PRKCH: variants seen among roughly 807,000 people sequenced by gnomAD.
The protein encoded by PRKCH is protein kinase C eta, also known as protein kinase C eta type.
A neutral mutation model predicts 82.5 loss-of-function variants in PRKCH; 28 were observed. The ratio of observed to expected loss-of-function variants is 0.34; its 90% CI spans 0.25 to 0.47. The LOEUF (loss-of-function observed/expected upper bound fraction) is 0.47. Among genes scored for constraint, PRKCH ranks in the 20% least tolerant of loss-of-function variants. The probability of loss-of-function intolerance (pLI) is 1.00; values close to 1 mark genes in which losing one functional copy is unlikely to be tolerated. For synonymous variants in PRKCH, 322 were observed against 327.4 expected (o/e 0.98, Z 0.18); for missense variants, 705 against 881.8 (o/e 0.80, Z 2.54).
intron 4 of PRKCH, among the ~76,000 whole-genome samples, chr14:61,447,175 G>A (rs184174601): frequency 3.4e-4 from 51 of 151,950 alleles, no homozygotes; most frequent in African/African-American, 1.2e-3. Context: ...CAACAATAAA[G>A]GGGTCAGTTT....
chr14:61,402,522 C>T lies in PRKCH; in HGVS notation c.427+11234C>T, dbSNP rs181435439. On this transcript the variant is annotated intron_variant, in intron 2 of 13. Coordinates refer to ENST00000332981, the MANE Select transcript of PRKCH (RefSeq NM_006255.5). ...ATGAGAATCTAGCTGTCAGGCTGGG[C>T]GCAGTGGCTCACGCCTGTAATCCCA... Among the ~76,000 whole-genome samples the T allele has an allele frequency of 1.2e-3, 182 of 152,272 alleles. 3 individuals carry two copies. The highest frequency in any genetic ancestry group is 4.3e-3 in the African/African-American group (178 of 41,556).
At chr14:61,240,851 A>G (rs2044830981) in intron 1 of PRKCH, among the ~76,000 whole-genome samples, 2 of 152,152 alleles carry the variant, frequency 1.3e-5, no homozygotes, top group Admixed American at 1.3e-4. Context: ...TTGAGGAAAA[A>G]CAAACTCAGT....
At chr14:61,482,138 G>C (rs1886005054) in intron 9 of PRKCH, among the ~76,000 whole-genome samples, 1 of 151,880 alleles carries the variant, frequency 6.6e-6, no homozygotes, top group African/African-American at 2.4e-5. Flanking sequence ...GGAATTAGAG[G>C]TGCATGCCAC....
chr14:61,388,160 A>G (rs2140196217), intron 1 of PRKCH, among the ~76,000 whole-genome samples: 1 of 152,048 alleles, frequency 6.6e-6, no homozygotes, highest in South Asian at 2.1e-4. Flanking sequence ...AAAAAAAAAA[A>G]AAAAAAAAGA....
At chr14:61,352,965 G>A (rs1348533861) in intron 1 of PRKCH, among the ~76,000 whole-genome samples, 1 of 152,158 alleles carries the variant, frequency 6.6e-6, no homozygotes, top group Non-Finnish European at 1.5e-5. Flanking sequence ...AGTGGGGGCT[G>A]GGGTGGCATC....
intron 1 of PRKCH, among the ~76,000 whole-genome samples, chr14:61,224,816 T>G (rs1370985159): frequency 2.6e-5 from 4 of 152,186 alleles, no homozygotes; most frequent in Non-Finnish European, 4.4e-5. Flanking sequence ...TGGAAGCAAG[T>G]TTCTGACAGC....
upstream of PRKCH, among the ~76,000 whole-genome samples, chr14:61,318,221 T>C (rs2045579716): frequency 6.6e-6 from 1 of 152,046 alleles, no homozygotes; most frequent in African/African-American, 2.4e-5. Flanking sequence ...TACAGGAACC[T>C]GCCACCACGC....
chr14:61,469,764 G>T (rs545950425), intron 9 of PRKCH, among the ~76,000 whole-genome samples: 1 of 152,292 alleles, frequency 6.6e-6, no homozygotes, highest in East Asian at 1.9e-4. Flanking sequence ...AGCAGAAACA[G>T]CCATGTCAAC....
chr14:61,237,382 G>T (rs2044799172), intron 1 of PRKCH, among the ~76,000 whole-genome samples: 1 of 151,972 alleles, frequency 6.6e-6, no homozygotes, highest in South Asian at 2.1e-4. Context: ...ACCTTACAAA[G>T]CTGTCTCTTG....
chr14:61,313,830 C>T (rs1379597425), intron 1 of PRKCH, among the ~76,000 whole-genome samples: 2 of 152,120 alleles, frequency 1.3e-5, no homozygotes, highest in African/African-American at 4.8e-5. Flanking sequence ...AAGACCTGTT[C>T]CCATGATTCA....
chr14:61,530,815 T>C (rs2043036311), intron 12 of PRKCH, among the ~76,000 whole-genome samples: 1 of 152,198 alleles, frequency 6.6e-6, no homozygotes, highest in Non-Finnish European at 1.5e-5. Context: ...TGGGGTCAAT[T>C]TCAATAGCCC....
chr14:61,544,374 G>A (rs1265567627), intron 12 of PRKCH: 1 of 152,136 alleles, frequency 6.6e-6, no homozygotes, highest in Admixed American at 6.5e-5. Context: ...ACATTTCCTA[G>A]CGTTTAAATA....
intron 1 of PRKCH, among the ~76,000 whole-genome samples, chr14:61,328,718 T>C (rs2045738146): frequency 6.6e-6 from 1 of 152,092 alleles, no homozygotes; most frequent in Admixed American, 6.5e-5. Flanking sequence ...CCGCGTGCTA[T>C]GGCTTGCGTC....
rs56406998 is a variant in PRKCH at position 61,352,689 on chromosome 14, GGAAAGAAAGAAAGAAAGAAA to G, written c.363+30260_363+30279del. On this transcript the variant is annotated intron_variant, in intron 1 of 13. Transcript: ENST00000332981. ...GAGAGAGAGAGAGAGAGAAAGGAAAGGAAAGAAAGAAAGAAAGAAAGAAAGAAAGAAAGAAAGAAAGAAAG... is the reference window on the plus strand; with the variant it reads ...GAGAGAGAGAGAGAGAGAAAGGAAAGGAAAGAAAGAAAGAAAGAAAGAAAG... Among the ~76,000 whole-genome samples, 112 of 126,544 alleles carry G rather than the reference GGAAAGAAAGAAAGAAAGAAA, an allele frequency of 8.9e-4. No homozygotes were observed. In the East Asian group the frequency reaches 1.0e-2, roughly 11 times the overall value. The allele number at this position is 126,544 out of a possible 152,430, so 83.0% of individuals were successfully genotyped here. A position where few individuals can be genotyped will look rare whatever the true frequency, so the allele number is the denominator to read the frequency against.
At chr14:61,215,248 G>A (rs1294180460) in intron 1 of PRKCH, among the ~76,000 whole-genome samples, 1 of 152,134 alleles carries the variant, frequency 6.6e-6, no homozygotes, top group Non-Finnish European at 1.5e-5. Context: ...TTTAAGTAAA[G>A]GAGAGTACTC....
At chr14:61,530,235 C>A (rs1323287658) in intron 11 of PRKCH, among the ~76,000 whole-genome samples, 172 bp from the exon 12 acceptor site, 1 of 152,154 alleles carries the variant, frequency 6.6e-6, no homozygotes, top group African/African-American at 2.4e-5. Context: ...CTGAGTTGAC[C>A]ACAGGGAAAA....
At chr14:61,272,346 T>A (rs1264992126) in intron 1 of PRKCH, among the ~76,000 whole-genome samples, 2 of 5,718 alleles carry the variant, frequency 3.5e-4, no homozygotes, top group African/African-American at 9.5e-4. Flanking sequence ...TTTTCTTTCT[T>A]TTTTTTTTTT....
At chr14:61,192,131 T>C (rs1271669364) in intron 1 of PRKCH, among the ~76,000 whole-genome samples, 1 of 152,050 alleles carries the variant, frequency 6.6e-6, no homozygotes, top group African/African-American at 2.4e-5. Context: ...AATAGGAAGG[T>C]TTTAAGCAGT....
At chr14:61,509,870 G>T (rs1887301346) in intron 10 of PRKCH, among the ~76,000 whole-genome samples, 1 of 152,108 alleles carries the variant, frequency 6.6e-6, no homozygotes, top group Non-Finnish European at 1.5e-5. Flanking sequence ...AGCCAAGATC[G>T]TGTCACTGCC....
Sources: gnomAD v4.1 joint callset for allele counts (sites outside exome capture counted in the v4.1 genomes callset) on GRCh38, gnomAD v4.1.1 for gene constraint, MANE v1.5 for transcripts, NCBI Gene and HGNC (gene_info 2026-07-23, HGNC 2026-07-21) for gene names.